Variants in ORC3 observed in about 807,000 individuals in gnomAD.
ORC3 encodes the protein homolog of latheo, Drosophila.
Under a neutral mutation model 100.7 loss-of-function variants are expected in ORC3, and 78 were observed. The observed-to-expected ratio is 0.77, with a 90% CI of 0.65 to 0.94. The LOEUF (loss-of-function observed/expected upper bound fraction) is 0.94, where lower values mean the gene tolerates loss of function less well. ORC3 is among the 40% of genes least tolerant of loss of function. The probability of loss-of-function intolerance (pLI) is 0.00; values close to 1 mark genes in which losing one functional copy is unlikely to be tolerated. For synonymous variants in ORC3, 295 were observed against 289.3 expected (o/e 1.02, Z -0.20); for missense variants, 789 against 823.9 (o/e 0.96, Z 0.52).
At chr6:87,673,853 A>C in the ORC3 span, among the ~76,000 whole-genome samples, 875 of 151,284 alleles carry the variant, frequency 5.8e-3, 9 homozygotes, top group Middle Eastern at 0.01. Flanking sequence ...AAAAAAAAGT[A>C]GGGGGGAAGG....
chr6:87,634,810 A>C lies in ORC3; in HGVS notation c.1186-35A>C, dbSNP rs1187297368. 3 of 1,007,712 alleles carry C rather than the reference A, an allele frequency of 3.0e-6. No individual in the cohort carries two copies. In the African/African-American group the frequency reaches 4.7e-5, roughly 16 times the overall value. The allele number at this position is 1,007,712 out of a possible 1,614,324, so 62.4% of individuals were successfully genotyped here. On this transcript the variant is annotated intron_variant, in intron 11 of 19. Coordinates refer to ENST00000392844, the MANE Select transcript of ORC3 (RefSeq NM_012381.4). ...TATTATTATGCTCTTTTATTAGCTGACTTACATATTAATAATATATTCTGT... is the reference window on the plus strand; with the variant it reads ...TATTATTATGCTCTTTTATTAGCTGCCTTACATATTAATAATATATTCTGT...
intron 13 of ORC3, among the ~76,000 whole-genome samples, chr6:87,652,851 T>C (rs1318660652): frequency 6.6e-6 from 1 of 152,222 alleles, no homozygotes; most frequent in Non-Finnish European, 1.5e-5. Context: ...CCTTATTCTT[T>C]ATTACAAACA....
At chr6:87,642,407 G>A (rs7752494) in intron 13 of ORC3, among the ~76,000 whole-genome samples, 90,980 of 151,770 alleles carry the variant, frequency 0.6, 27,890 homozygotes, top group African/African-American at 0.72. Flanking sequence ...CCTGGCCAAC[G>A]TGGTGAAACC....
chr6:87,674,583 C>A, the ORC3 span, among the ~76,000 whole-genome samples: 1 of 147,428 alleles, frequency 6.8e-6, no homozygotes, highest in South Asian at 2.1e-4. Flanking sequence ...ATTAAAATAC[C>A]TGTAACATTC....
chr6:87,626,922 A>G (rs556843592), intron 11 of ORC3, among the ~76,000 whole-genome samples: 1 of 152,248 alleles, frequency 6.6e-6, no homozygotes, highest in South Asian at 2.1e-4. Flanking sequence ...AATGAAAATA[A>G]TAACTTGTTA....
At chr6:87,602,954 A>AATACATATATATAT (rs1554236516) in intron 3 of ORC3, among the ~76,000 whole-genome samples, 1 of 95,300 alleles carries the variant, frequency 1.0e-5, no homozygotes, top group Admixed American at 1.4e-4. Flanking sequence ...ACACATATAT[A>AATACATATATATAT]ATATATATAT....
chr6:87,663,705 A>G (rs1322633590), intron 17 of ORC3, among the ~76,000 whole-genome samples: 1 of 152,272 alleles, frequency 6.6e-6, no homozygotes, highest in Admixed American at 6.5e-5. Context: ...AGACACAGTT[A>G]TCAACTCCTG....
At chr6:87,659,023 G>C (rs1212909687) in intron 16 of ORC3, among the ~76,000 whole-genome samples, 2 of 100,586 alleles carry the variant, frequency 2.0e-5, no homozygotes, top group Non-Finnish European at 4.7e-5. Flanking sequence ...AAAGTGGGGC[G>C]GGGGGGGGAG....
rs113227306 is a variant in ORC3 at position 87,653,922 on chromosome 6, A to G, written c.1516+673A>G. ...TATAGGTAGCCATGTTCTGTTCCCT[A>G]AATACTAGCTTTTCATGGGCTCTTC... On this transcript the variant is annotated intron_variant, in intron 14 of 19. Coordinates refer to ENST00000392844, the MANE Select transcript of ORC3 (RefSeq NM_012381.4). Among the ~76,000 whole-genome samples, 656 of 152,222 alleles carry G rather than the reference A, an allele frequency of 4.3e-3. 3 individuals are homozygous for G. The highest frequency in any genetic ancestry group is 0.015 in the African/African-American group (630 of 41,524).
At chr6:87,603,582 A>AT (rs1169963672) in intron 4 of ORC3, 54 bp downstream of exon 4, 1,011 of 1,178,460 alleles carry the variant, frequency 8.6e-4, no homozygotes, top group South Asian at 1.2e-3. Flanking sequence ...TCGTTTTTAA[A>AT]TTTTTTTTTA....
At chr6:87,667,865 G>T (rs985992641), downstream of ORC3, among the ~76,000 whole-genome samples, 5 of 152,086 alleles carry the variant, frequency 3.3e-5, no homozygotes, top group African/African-American at 1.2e-4. Context: ...GGAGGCGGAG[G>T]TTGCAGTGAA....
Position 87,590,144 on chromosome 6 carries a change from T to C in ORC3, c.-25T>C, listed in dbSNP as rs985326763. The C allele has an allele frequency of 8.7e-6, 14 of 1,613,986 alleles. No homozygotes were observed. Among genetic ancestry groups the C allele is most frequent in the African/African-American group, 1.3e-5 (1 of 75,044 alleles). On this transcript the variant is annotated 5_prime_UTR_variant, in exon 1 of 20. Transcript: ENST00000392844. ...GCGCGCGGGAAATCCCGAGTGCATC[T>C]GGAATACGCAGAGTCAGTAAGACCA...
Position 87,634,941 on chromosome 6 carries a change from A to G in ORC3, c.1282A>G (p.Lys428Glu). 1 of 1,566,704 alleles carries G rather than the reference A, an allele frequency of 6.4e-7. No homozygotes were observed. The highest frequency in any genetic ancestry group is 2.2e-5 in the East Asian group (1 of 44,660). ...TCATAAGTTCACCTCTTCTCTTCCC[A>G]AGTATCCACTAGGTCGACAGGTAAT... ...CLHKFTSSLPKYPLGRQIREL... is the reference protein window; with the variant it reads ...CLHKFTSSLPEYPLGRQIREL... Residue 428 changes from lysine to glutamate, a missense_variant, in exon 12 of 20, where the codon AAG (lysine) becomes GAG (glutamate). Transcript: ENST00000392844.
At chr6:87,647,438 C>G (rs1197543388) in intron 13 of ORC3, among the ~76,000 whole-genome samples, 4 of 152,186 alleles carry the variant, frequency 2.6e-5, no homozygotes, top group Admixed American at 6.5e-5. Flanking sequence ...CCTTTATGTA[C>G]TTGATCAAAT....
At chr6:87,609,502 T>TA (rs773781244) in intron 7 of ORC3, 1 of 264,572 alleles carries the variant, frequency 3.8e-6, no homozygotes, top group Non-Finnish European at 7.1e-6. Flanking sequence ...GACTGTCTCT[T>TA]ACTCACCCAT....
the ORC3 span, chr6:87,675,752 T>A: frequency 6.9e-7 from 1 of 1,453,268 alleles, no homozygotes; most frequent in Admixed American, 1.9e-5. Context: ...CCATACATTC[T>A]CAGTAATTTT....
intron 2 of ORC3, 67 bp from the exon 3 acceptor site, chr6:87,601,717 C>T: frequency 2.2e-6 from 2 of 907,734 alleles, no homozygotes; most frequent in South Asian, 1.5e-5. Flanking sequence ...TGTAACTTTG[C>T]ACGTAAGATC....
rs916147266 is a variant in ORC3, at chr6:87,651,738, AG to A, written c.1383-1377del. 1.8e-4 allele frequency among the ~76,000 whole-genome samples: 28 copies of A among 152,276 alleles called. 1 individual carries two copies. The highest frequency in any genetic ancestry group is 7.2e-4 in the Admixed American group (11 of 15,282). The stretch of plus-strand genomic sequence containing the variant: ...GTTCAAGTAACCAGTTCAATTTCTC[AG>A]TAATCATAGTCTACTTAGCTTTGTT... On this transcript the variant is annotated intron_variant, in intron 13 of 19. Coordinates refer to ENST00000392844, the MANE Select transcript of ORC3 (RefSeq NM_012381.4).
At chr6:87,614,143 C>T (rs1221245641) in intron 8 of ORC3, among the ~76,000 whole-genome samples, 1 of 152,186 alleles carries the variant, frequency 6.6e-6, no homozygotes, top group Non-Finnish European at 1.5e-5. Context: ...GAAATCTAGA[C>T]GGAGGTTCCC....
Sources: gnomAD v4.1 joint callset for allele counts (sites outside exome capture counted in the v4.1 genomes callset) on GRCh38, gnomAD v4.1.1 for gene constraint, MANE v1.5 for transcripts, NCBI Gene and HGNC (gene_info 2026-07-23, HGNC 2026-07-21) for gene names.